The following AGAP1 variants were observed in gnomAD, a reference collection of about 807,000 sequenced individuals.
The protein encoded by AGAP1 is ArfGAP with GTPase domain, ankyrin repeat and PH domain 1.
AGAP1 carries 29 observed loss-of-function variants against 105.3 expected under a neutral mutation model. The ratio of observed to expected loss-of-function variants is 0.28; its 90% CI spans 0.21 to 0.38. The LOEUF is 0.38. Ranked by LOEUF, AGAP1 falls within the 10% of genes least tolerant of loss-of-function variation. The probability of loss-of-function intolerance (pLI) is 1.00; values close to 1 mark genes in which losing one functional copy is unlikely to be tolerated. For missense variants in AGAP1, 998 were observed against 1,165.1 expected, an observed-to-expected ratio of 0.86 and a Z score of 2.09; for synonymous variants, 509 against 485.9, an observed-to-expected ratio of 1.05 and a Z score of -0.63.
chr2:235,585,468 A>G (rs1480632484), intron 1 of AGAP1, among the ~76,000 whole-genome samples: 1 of 152,162 alleles, frequency 6.6e-6, no homozygotes, highest in Non-Finnish European at 1.5e-5. Flanking sequence ...CTTCACATGC[A>G]CACAGTGGCT....
Position 235,982,411 on chromosome 2 carries a change from G to A in AGAP1, c.1645+13788G>A, listed in dbSNP as rs2055136815. 6.6e-6 allele frequency among the ~76,000 whole-genome samples: 1 copy of A among 152,210 alleles called. No individual in the cohort carries two copies. The highest frequency in any genetic ancestry group is 2.1e-4 in the South Asian group (1 of 4,828). On this transcript the variant is annotated intron_variant, in intron 13 of 17. Transcript: ENST00000304032. This position sits in a 1 kb window ranked among gnomAD's most constrained non-coding sequence, Gnocchi z 4.9. Reference sequence around the variant, plus strand: ...TATTCTGCACACCGTGGGGACATCAGCTGGGAGGGTCATAGCTAGGAGGTC... The same window carrying A: ...TATTCTGCACACCGTGGGGACATCAACTGGGAGGGTCATAGCTAGGAGGTC...
chr2:235,974,151 A>G (rs1266572236), intron 13 of AGAP1, among the ~76,000 whole-genome samples: 2 of 152,192 alleles, frequency 1.3e-5, no homozygotes, highest in Non-Finnish European at 2.9e-5. Context: ...GCTGAAGTAG[A>G]GAGAGGTTAA....
intron 1 of AGAP1, among the ~76,000 whole-genome samples, chr2:235,707,149 C>A (rs899677883): frequency 1.3e-5 from 2 of 152,232 alleles, no homozygotes; most frequent in African/African-American, 4.8e-5. Flanking sequence ...AGTAGAGGGG[C>A]AGTGACTGGA....
intron 1 of AGAP1, among the ~76,000 whole-genome samples, chr2:235,698,422 C>T (rs959239474): frequency 6.6e-6 from 1 of 152,114 alleles, no homozygotes; most frequent in Admixed American, 6.5e-5. Context: ...TAGCTGTCTA[C>T]TCTTACATCT....
chr2:235,974,998 G>A (rs879746255), intron 13 of AGAP1, among the ~76,000 whole-genome samples: 3 of 152,210 alleles, frequency 2.0e-5, no homozygotes, highest in Non-Finnish European at 2.9e-5. Flanking sequence ...TTCAGAAGAA[G>A]CACAAATACA....
intron 13 of AGAP1, among the ~76,000 whole-genome samples, chr2:236,028,321 G>A (rs996313746): frequency 2.6e-5 from 4 of 152,258 alleles, no homozygotes; most frequent in African/African-American, 7.2e-5. Context: ...CTCAGGCTCT[G>A]GTTAATCCGT....
intron 16 of AGAP1, among the ~76,000 whole-genome samples, chr2:236,108,673 C>T (rs1010607187): frequency 6.6e-6 from 1 of 152,102 alleles, no homozygotes; most frequent in Non-Finnish European, 1.5e-5. Context: ...AGTGCACTTT[C>T]GGGAAGGGGT....
chr2:235,807,101 G>A lies in AGAP1; in HGVS notation c.958-138G>A, dbSNP rs553544712. On this transcript the variant is annotated intron_variant, in intron 8 of 17. Coordinates refer to ENST00000304032, the MANE Select transcript of AGAP1 (RefSeq NM_001037131.3). ...AGATGAACTACTGAGCTGTCTGCTC[G>A]TCGGACGTGTCTGTGCGCACACATA... The A allele has an allele frequency of 2.3e-5, 17 of 740,388 alleles. No homozygotes were observed. The Admixed American group carries it at 2.5e-4, about 11-fold the overall frequency. The allele number at this position is 740,388 out of a possible 1,614,324, so 45.9% of individuals were successfully genotyped here.
Position 236,049,140 on chromosome 2 carries a change from T to G in AGAP1, c.1973T>G (p.Leu658Arg). ...SGIHRNLGTH[L>R]SRVRSLDLDD... ...ATCCACCGGAATCTTGGCACCCACC[T>G]TTCCCGAGTCCGATCTCTGGACCTG... Residue 658 changes from leucine (L) to arginine (R), a missense_variant, in exon 16 of 18, where the codon CTT (leucine) becomes CGT (arginine). Physicochemically the swap from Leu to Arg is moderately radical, Grantham distance 102. This residue lies in a region of AGAP1 where 28 missense variants were observed against 61.0 expected (regional missense o/e 0.46). Transcript: ENST00000304032. 1 of 1,614,228 alleles carries G rather than the reference T, an allele frequency of 6.2e-7. No homozygotes were observed. The highest frequency in any genetic ancestry group is 8.5e-7 in the Non-Finnish European group (1 of 1,180,036).
At chr2:235,565,234 C>G (rs1285897401) in intron 1 of AGAP1, among the ~76,000 whole-genome samples, 2 of 152,196 alleles carry the variant, frequency 1.3e-5, no homozygotes, top group African/African-American at 2.4e-5. Flanking sequence ...AGCATCCTCC[C>G]AGGGCCAGGT....
intron 1 of AGAP1, among the ~76,000 whole-genome samples, chr2:235,507,955 C>G (rs1941897333): frequency 6.6e-6 from 1 of 152,038 alleles, no homozygotes; most frequent in Non-Finnish European, 1.5e-5. Flanking sequence ...TCCCTCCCAC[C>G]CTCCACCCTC....
intron 10 of AGAP1, among the ~76,000 whole-genome samples, chr2:235,897,345 C>T (rs185996318): frequency 4.1e-4 from 62 of 152,320 alleles, no homozygotes; most frequent in African/African-American, 1.5e-3. Flanking sequence ...TGACCAAGTC[C>T]TCATGTTTCT....
rs1220535032 is a variant in AGAP1, at chr2:235,900,892, T to C, written c.1156-7846T>C. 6.6e-6 allele frequency among the ~76,000 whole-genome samples: 1 copy of C among 152,228 alleles called. No individual in the cohort carries two copies. Among genetic ancestry groups the C allele is most frequent in the Non-Finnish European group, 1.5e-5 (1 of 68,040 alleles). On this transcript the variant is annotated intron_variant, in intron 10 of 17. Transcript: ENST00000304032. The surrounding 1 kb of genome is among the most constrained non-coding windows in gnomAD (Gnocchi z 5.5). ...GAACGCAGTTCTGAAAGTGAAACAC[T>C]GGAATGCTTTTGGCTGTCTTGGGAA...
chr2:235,607,826 A>T (rs1359643796), intron 1 of AGAP1, among the ~76,000 whole-genome samples: 2 of 152,174 alleles, frequency 1.3e-5, no homozygotes, highest in Non-Finnish European at 2.9e-5. Context: ...CCAAGTCACT[A>T]TCGGGGAACG....
At position 235,788,496 on chromosome 2, in the gene AGAP1, G is replaced by A. The variant is rs1333972776; in HGVS notation, c.674-9263G>A. On this transcript the variant is annotated intron_variant, in intron 6 of 17. Transcript: ENST00000304032. The surrounding 1 kb of genome is among the most constrained non-coding windows in gnomAD (Gnocchi z 6.0). ...TGAGGCAGGGTGGGGAGAGGAGTGG[G>A]AGGGTAGGTGAGGCGGGGTGAGGAG... Among the ~76,000 whole-genome samples, 1 of 151,938 alleles carries A rather than the reference G, an allele frequency of 6.6e-6. No individual in the cohort carries two copies. Among genetic ancestry groups the A allele is most frequent in the South Asian group, 2.1e-4 (1 of 4,802 alleles).
At chr2:235,698,988 G>A (rs1183959409) in intron 1 of AGAP1, among the ~76,000 whole-genome samples, 3 of 152,162 alleles carry the variant, frequency 2.0e-5, no homozygotes, top group African/African-American at 7.2e-5. Flanking sequence ...GAGGAGCACA[G>A]GGGAGCCCCG....
In AGAP1 at chr2:235,930,675, GT is replaced by G. The variant is rs2052678507; in HGVS notation, c.1325-89del. ...TGCTCTCGGTGGTAAGGTGCACTATGTGCCAGCGTGTGGGTCCCATAGACTA... is the reference window on the plus strand; with the variant it reads ...TGCTCTCGGTGGTAAGGTGCACTATGGCCAGCGTGTGGGTCCCATAGACTA... On this transcript the variant is annotated intron_variant, in intron 11 of 17. Transcript: ENST00000304032. The surrounding 1 kb of genome is among the most constrained non-coding windows in gnomAD (Gnocchi z 7.9). 1 of 1,343,496 alleles carries G rather than the reference GT, an allele frequency of 7.4e-7. No homozygotes were observed. Among genetic ancestry groups the G allele is most frequent in the East Asian group, 2.4e-5 (1 of 41,302 alleles). The allele number at this position is 1,343,496 out of a possible 1,614,324, so 83.2% of individuals were successfully genotyped here.
intron 1 of AGAP1, among the ~76,000 whole-genome samples, chr2:235,649,734 C>T (rs1000741638): frequency 6.6e-6 from 1 of 152,190 alleles, no homozygotes; most frequent in Non-Finnish European, 1.5e-5. Flanking sequence ...TGGGACCTTG[C>T]CCTGAGGAGC....
intron 1 of AGAP1, among the ~76,000 whole-genome samples, chr2:235,567,798 T>G (rs1944394890): frequency 2.0e-5 from 3 of 150,446 alleles, no homozygotes; most frequent in East Asian, 2.0e-4. Flanking sequence ...AGCCAAGGGG[T>G]CTGGGCCTGT....
Sources: allele counts gnomAD v4.1 joint callset (sites outside exome capture counted in the v4.1 genomes callset), GRCh38; gene constraint gnomAD v4.1.1; regional missense constraint gnomAD v4.1.1; non-coding constraint Gnocchi (gnomAD v3.1); transcripts MANE v1.5; gene names NCBI Gene and HGNC (gene_info 2026-07-23, HGNC 2026-07-21).